ZNF385D: variants seen among roughly 807,000 people sequenced by gnomAD.
The protein encoded by ZNF385D is zinc finger protein 385D, also known as zinc finger protein 659.
In ZNF385D, 15 loss-of-function variants were observed where a neutral mutation model predicts 35.8. That is an observed-to-expected ratio of 0.42 (90% CI 0.28 to 0.64). The LOEUF (loss-of-function observed/expected upper bound fraction) is 0.64. Ranked by LOEUF, ZNF385D falls within the 30% of genes least tolerant of loss-of-function variation. ZNF385D has a pLI of 0.23. For synonymous variants in ZNF385D, 212 were observed against 186.8 expected (o/e 1.13, Z -1.10); for missense variants, 474 against 494.6 (o/e 0.96, Z 0.39).
chr3:22,032,000 G>A (rs1462790199), intron 3 of ZNF385D, among the ~76,000 whole-genome samples: 2 of 152,208 alleles, frequency 1.3e-5, no homozygotes, highest in East Asian at 3.8e-4. Context: ...CTCTAGGGCA[G>A]GGGCAAAATG....
At chr3:21,863,879 G>GTT (rs1370208204) in intron 3 of ZNF385D, among the ~76,000 whole-genome samples, 1 of 152,106 alleles carries the variant, frequency 6.6e-6, no homozygotes, top group African/African-American at 2.4e-5. Flanking sequence ...AACATAATGA[G>GTT]TTTTTCAAAC....
At chr3:21,717,698 A>G (rs1228220006) in intron 1 of ZNF385D, among the ~76,000 whole-genome samples, 1 of 152,110 alleles carries the variant, frequency 6.6e-6, no homozygotes, top group Non-Finnish European at 1.5e-5. Context: ...AAGTCTCATG[A>G]GATCTGATAG....
chr3:22,295,944 CAAG>C (rs1702553735), intron 2 of ZNF385D, among the ~76,000 whole-genome samples: 1 of 151,896 alleles, frequency 6.6e-6, no homozygotes, highest in African/African-American at 2.4e-5. Context: ...AGAAAGTCGA[CAAG>C]AATAGTTTAT....
intron 3 of ZNF385D, among the ~76,000 whole-genome samples, chr3:21,938,962 C>T (rs909562079): frequency 3.3e-5 from 5 of 152,308 alleles, no homozygotes; most frequent in Admixed American, 2.0e-4. Context: ...GTGAAGTCTT[C>T]CAGTTCAAGG....
At chr3:22,283,728 G>C (rs946767312) in intron 2 of ZNF385D, among the ~76,000 whole-genome samples, 1 of 152,138 alleles carries the variant, frequency 6.6e-6, no homozygotes, top group African/African-American at 2.4e-5. Flanking sequence ...ATAAATGTGT[G>C]ATGTGCTCAG....
chr3:22,128,507 T>A lies in ZNF385D; in HGVS notation c.325+40310A>T, dbSNP rs114160640. On this transcript the variant is annotated intron_variant, in intron 3 of 5. Coordinates refer to the ZNF385D transcript ENST00000494108. ...ATAGCTCCTCTTTAAGATCAATAAC[T>A]CTTATGTTTGCACTTTTTAGGCTAT... is the stretch of plus-strand genomic sequence containing the variant. Among the ~76,000 whole-genome samples the A allele has an allele frequency of 8.2e-4, 125 of 152,294 alleles. 1 individual carries two copies. Among genetic ancestry groups the A allele is most frequent in the African/African-American group, 2.9e-3 (119 of 41,564 alleles).
intron 6 of ZNF385D, among the ~76,000 whole-genome samples, chr3:21,424,419 A>G (rs1008462941): frequency 2.8e-5 from 4 of 143,170 alleles, no homozygotes; most frequent in Non-Finnish European, 4.6e-5. Flanking sequence ...GGTTCAAGCA[A>G]TTATCTGCCT....
intron 3 of ZNF385D, among the ~76,000 whole-genome samples, chr3:22,107,330 T>C (rs1702278600): frequency 6.6e-6 from 1 of 152,126 alleles, no homozygotes; most frequent in African/African-American, 2.4e-5. Flanking sequence ...GCCTGGAATA[T>C]TAGTTTTTAA....
intron 1 of ZNF385D, among the ~76,000 whole-genome samples, chr3:21,721,064 GT>G (rs139334592): frequency 8.0e-5 from 12 of 149,804 alleles, no homozygotes; most frequent in South Asian, 2.1e-4. Flanking sequence ...GTTGTAACAG[GT>G]TTTTTTTTTC....
chr3:22,009,646 AG>A (rs1374453715), intron 3 of ZNF385D, among the ~76,000 whole-genome samples: 1 of 145,776 alleles, frequency 6.9e-6, no homozygotes, highest in Non-Finnish European at 1.5e-5. Flanking sequence ...AAAAAAAAAA[AG>A]ATTCAATGAG....
chr3:21,467,206 CT>C (rs1703569178), intron 4 of ZNF385D, among the ~76,000 whole-genome samples: 2 of 152,160 alleles, frequency 1.3e-5, no homozygotes, highest in Middle Eastern at 3.2e-3. Flanking sequence ...ATTTACTTTC[CT>C]ATTGCTTGAA....
chr3:22,229,744 T>G (rs1698772156), intron 2 of ZNF385D, among the ~76,000 whole-genome samples: 1 of 151,912 alleles, frequency 6.6e-6, no homozygotes, highest in South Asian at 2.1e-4. Flanking sequence ...CACTCAAACA[T>G]TTTTTTTAGA....
intron 2 of ZNF385D, among the ~76,000 whole-genome samples, chr3:21,621,946 G>A (rs558582796): frequency 1.9e-4 from 29 of 152,054 alleles, no homozygotes; most frequent in African/African-American, 6.7e-4. Flanking sequence ...AAGAGGAAAT[G>A]TATTACTCTT....
At chr3:21,981,426 C>T (rs1387426086) in intron 3 of ZNF385D, among the ~76,000 whole-genome samples, 1 of 151,960 alleles carries the variant, frequency 6.6e-6, no homozygotes, top group Non-Finnish European at 1.5e-5. Context: ...TTGTTTTTCT[C>T]TTGCGAATTT....
chr3:21,857,194 G>T (rs1286934408), intron 3 of ZNF385D, among the ~76,000 whole-genome samples: 4 of 151,956 alleles, frequency 2.6e-5, no homozygotes, highest in Admixed American at 2.6e-4. Context: ...ATTTAGTTAG[G>T]TCATTTCATG....
intron 3 of ZNF385D, among the ~76,000 whole-genome samples, chr3:21,524,398 A>G (rs1460213676): frequency 6.6e-6 from 1 of 152,220 alleles, no homozygotes; most frequent in Non-Finnish European, 1.5e-5. Flanking sequence ...TAAGACTCCA[A>G]CTGACCATTT....
intron 3 of ZNF385D, among the ~76,000 whole-genome samples, chr3:22,124,639 C>T (rs940182732): frequency 2.6e-5 from 4 of 152,014 alleles, no homozygotes; most frequent in African/African-American, 9.7e-5. Flanking sequence ...TAATATATCG[C>T]TGTAGTTTGG....
At chr3:21,702,602 G>A (rs549848844) in intron 1 of ZNF385D, among the ~76,000 whole-genome samples, 15 of 152,206 alleles carry the variant, frequency 9.9e-5, no homozygotes, top group African/African-American at 3.4e-4. Flanking sequence ...TTTTCTTTTC[G>A]ACTGCATCAT....
intron 3 of ZNF385D, among the ~76,000 whole-genome samples, chr3:22,066,748 T>A (rs187394264): frequency 6.6e-6 from 1 of 152,278 alleles, no homozygotes; most frequent in Non-Finnish European, 1.5e-5. Flanking sequence ...GATATTCACA[T>A]TTACTGGATG....
Sources: allele counts gnomAD v4.1 joint callset (sites outside exome capture counted in the v4.1 genomes callset), GRCh38; gene constraint gnomAD v4.1.1; transcripts MANE v1.5; gene names NCBI Gene and HGNC (gene_info 2026-07-23, HGNC 2026-07-21).